Variants in TOX observed in about 807,000 individuals in gnomAD.
TOX encodes thymocyte selection-associated high mobility group box protein TOX.
A neutral mutation model predicts 53.7 loss-of-function variants in TOX; 11 were observed. The observed-to-expected ratio is 0.20, with a 90% CI of 0.13 to 0.34. TOX has a LOEUF of 0.34. Ranked by LOEUF, TOX falls within the 10% of genes least tolerant of loss-of-function variation. TOX has a pLI of 1.00. For missense variants in TOX, 570 were observed against 664.6 expected, an observed-to-expected ratio of 0.86 and a Z score of 1.56; for synonymous variants, 225 against 245.3, an observed-to-expected ratio of 0.92 and a Z score of 0.77.
intron 1 of TOX, among the ~76,000 whole-genome samples, chr8:59,074,751 T>C (rs762461442): frequency 3.9e-5 from 6 of 152,090 alleles, no homozygotes; most frequent in Non-Finnish European, 5.9e-5. Flanking sequence ...AATTTGAGTA[T>C]AGCTTGAGCA....
chr8:58,858,917 T>C (rs1349561334), intron 3 of TOX, among the ~76,000 whole-genome samples: 1 of 152,240 alleles, frequency 6.6e-6, no homozygotes, highest in Non-Finnish European at 1.5e-5. Flanking sequence ...GAGAAGAATG[T>C]AAATGTTGAT....
At chr8:58,922,344 A>G (rs1048900333) in intron 3 of TOX, among the ~76,000 whole-genome samples, 6 of 152,230 alleles carry the variant, frequency 3.9e-5, no homozygotes, top group Non-Finnish European at 8.8e-5. Context: ...ATATTTGCAC[A>G]GTTAGTGTTT....
chr8:58,930,864 A>C (rs192484882), intron 3 of TOX, among the ~76,000 whole-genome samples: 58 of 152,354 alleles, frequency 3.8e-4, no homozygotes, highest in African/African-American at 1.0e-3. Flanking sequence ...TGAAGTTATA[A>C]CTAATGACTG....
At position 58,942,326 on chromosome 8, in the gene TOX, T is replaced by C. The variant is rs150144646; in HGVS notation, c.169-2782A>G. Among the ~76,000 whole-genome samples, 478 of 152,320 alleles carry C rather than the reference T, an allele frequency of 3.1e-3. 4 individuals carry two copies. Among genetic ancestry groups the C allele is most frequent in the Admixed American group, 9.2e-3 (141 of 15,306 alleles). On this transcript the variant is annotated intron_variant, in intron 2 of 8. Transcript: ENST00000361421. ...TGTATTGCAATTGAGTTAAGCTACA[T>C]GGTTTATTTTCATGTAATTACACAT...
At chr8:59,060,037 G>C (rs1803953070) in intron 1 of TOX, among the ~76,000 whole-genome samples, 2 of 151,684 alleles carry the variant, frequency 1.3e-5, no homozygotes, top group East Asian at 3.9e-4. Context: ...CATAATCAGA[G>C]ACAAATACAA....
intron 3 of TOX, among the ~76,000 whole-genome samples, chr8:58,922,085 A>G (rs1812084127): frequency 6.6e-6 from 1 of 152,228 alleles, no homozygotes; most frequent in South Asian, 2.1e-4. Context: ...GCTGAGAACA[A>G]TAGCTGTTCT....
chr8:58,939,277 C>G (rs1374465054), intron 3 of TOX, 25 bp downstream of exon 3: 1 of 1,612,686 alleles, frequency 6.2e-7, no homozygotes, highest in Non-Finnish European at 8.5e-7. Context: ...CAGCCCCCAC[C>G]ACAAACAGGT....
At chr8:58,905,502 T>A (rs75253505) in intron 3 of TOX, among the ~76,000 whole-genome samples, 1 of 152,228 alleles carries the variant, frequency 6.6e-6, no homozygotes, top group East Asian at 1.9e-4. Context: ...CCAACACTTA[T>A]GCTGTCAGAG....
chr8:59,055,279 A>T (rs1303640409), intron 1 of TOX, among the ~76,000 whole-genome samples: 4 of 152,196 alleles, frequency 2.6e-5, no homozygotes, highest in African/African-American at 7.2e-5. Context: ...ATGGATCAAC[A>T]TTAGCACACA....
intron 3 of TOX, among the ~76,000 whole-genome samples, chr8:58,897,224 C>T (rs533158034): frequency 2.6e-5 from 4 of 152,094 alleles, no homozygotes; most frequent in Non-Finnish European, 4.4e-5. Context: ...TCATTTTCTC[C>T]AATTACCACT....
At chr8:58,999,159 G>A (rs1813642421) in intron 1 of TOX, among the ~76,000 whole-genome samples, 1 of 152,108 alleles carries the variant, frequency 6.6e-6, no homozygotes. Context: ...TAGTGCAAAG[G>A]AAGAAACAAA....
Position 59,119,142 on chromosome 8 carries a change from G to T in TOX, c.-155C>A. 1.1e-5 allele frequency: 4 copies of T among 366,524 alleles called. No homozygotes were observed. The highest frequency in any genetic ancestry group is 1.9e-5 in the Non-Finnish European group (4 of 210,370). The allele number at this position is 366,524 out of a possible 1,614,324, so 22.7% of individuals were successfully genotyped here. On this transcript the variant is annotated 5_prime_UTR_variant, in exon 1 of 9. Coordinates refer to ENST00000361421, the MANE Select transcript of TOX (RefSeq NM_014729.3). ...CATCCGTTTGTGGTTTGTTTAAGAA[G>T]AAGAGGAAAAAAAAAAAAAAGAGGG...
intron 1 of TOX, among the ~76,000 whole-genome samples, chr8:59,107,282 C>A (rs541576719): frequency 1.3e-5 from 2 of 152,220 alleles, no homozygotes; most frequent in South Asian, 4.1e-4. Context: ...CACATAAATT[C>A]TTTCCAGATG....
intron 1 of TOX, among the ~76,000 whole-genome samples, chr8:58,972,581 C>G (rs1813019743): frequency 6.6e-6 from 1 of 152,094 alleles, no homozygotes; most frequent in Non-Finnish European, 1.5e-5. Flanking sequence ...ATTGAATTAT[C>G]CATAACAATC....
chr8:58,921,935 A>T (rs925486857), intron 3 of TOX, among the ~76,000 whole-genome samples: 1 of 152,102 alleles, frequency 6.6e-6, no homozygotes, highest in African/African-American at 2.4e-5. Flanking sequence ...TTACCTACGG[A>T]CTCCTAGATT....
chr8:59,009,318 CCTT>C (rs899081850), intron 1 of TOX, among the ~76,000 whole-genome samples: 1 of 150,730 alleles, frequency 6.6e-6, no homozygotes, highest in Non-Finnish European at 1.5e-5. Flanking sequence ...TTCCTTCTTT[CCTT>C]CTTTCCTTCC....
At chr8:59,024,747 C>A (rs2129419629) in intron 1 of TOX, among the ~76,000 whole-genome samples, 1 of 151,928 alleles carries the variant, frequency 6.6e-6, no homozygotes, top group South Asian at 2.1e-4. Context: ...TGTCTTTACC[C>A]CCGAAAAAGA....
intron 4 of TOX, among the ~76,000 whole-genome samples, chr8:58,845,598 A>G (rs1810707579): frequency 6.6e-6 from 1 of 152,170 alleles, no homozygotes; most frequent in African/African-American, 2.4e-5. Flanking sequence ...CATCAATTAT[A>G]GAAAAATGCA....
At chr8:59,060,580 T>G (rs1467668149) in intron 1 of TOX, among the ~76,000 whole-genome samples, 1 of 152,118 alleles carries the variant, frequency 6.6e-6, no homozygotes, top group Non-Finnish European at 1.5e-5. Context: ...TGAGCCAAGA[T>G]CACACCACTG....
Sources: gnomAD v4.1 joint callset for allele counts (sites outside exome capture counted in the v4.1 genomes callset) on GRCh38, gnomAD v4.1.1 for gene constraint, MANE v1.5 for transcripts, NCBI Gene and HGNC (gene_info 2026-07-23, HGNC 2026-07-21) for gene names.